NRG3: variants seen among roughly 807,000 people sequenced by gnomAD.
NRG3 encodes the protein pro-neuregulin-3, membrane-bound isoform.
In NRG3, 31 loss-of-function variants were observed where a neutral mutation model predicts 66.9. The ratio of observed to expected loss-of-function variants is 0.46; its 90% CI spans 0.35 to 0.63. The LOEUF (loss-of-function observed/expected upper bound fraction) is 0.63. Among genes scored for constraint, NRG3 ranks in the 20% least tolerant of loss-of-function variants. The probability of loss-of-function intolerance (pLI) is 0.00; values close to 1 mark genes in which losing one functional copy is unlikely to be tolerated. For missense variants in NRG3, 910 were observed against 878.9 expected, an observed-to-expected ratio of 1.04 and a Z score of -0.45; for synonymous variants, 393 against 359.4, an observed-to-expected ratio of 1.09 and a Z score of -1.06.
rs559290076 is a variant in NRG3 at position 82,353,044 on chromosome 10, A to G, written c.824-5695A>G. Among the ~76,000 whole-genome samples, 16 of 152,298 alleles carry G rather than the reference A, an allele frequency of 1.1e-4. No homozygotes were observed. The South Asian group carries it at 3.3e-3, about 32-fold the overall frequency. ...CAAAAGATATTTAGGAGTTAGAATCAAGAGTATTTGGTGATTGCGCATGCA... is the reference window on the plus strand; with the variant it reads ...CAAAAGATATTTAGGAGTTAGAATCGAGAGTATTTGGTGATTGCGCATGCA... On this transcript the variant is annotated intron_variant, in intron 1 of 8. Coordinates refer to ENST00000372141, the MANE Select transcript of NRG3 (RefSeq NM_001010848.4).
chr10:82,628,560 C>G (rs188312462), intron 2 of NRG3, among the ~76,000 whole-genome samples: 7 of 152,202 alleles, frequency 4.6e-5, no homozygotes, highest in African/African-American at 1.4e-4. Context: ...TCTTCTTACT[C>G]TGCTGATGCC....
chr10:82,713,119 CAAAAAAAAAAAAAAAA>C (rs369968319), intron 2 of NRG3, among the ~76,000 whole-genome samples: 3 of 55,344 alleles, frequency 5.4e-5, no homozygotes, highest in South Asian at 2.1e-3. Context: ...GACTTCATCT[CAAAAAAAAAAAAAAAA>C]AAAAAAAAAA....
chr10:82,416,951 C>T (rs2088627703), intron 2 of NRG3, among the ~76,000 whole-genome samples: 1 of 152,110 alleles, frequency 6.6e-6, no homozygotes, highest in Non-Finnish European at 1.5e-5. Flanking sequence ...GTATTATCCA[C>T]ACAGCCCTCA....
chr10:82,572,185 C>G (rs1425159381), intron 2 of NRG3, among the ~76,000 whole-genome samples: 1 of 151,482 alleles, frequency 6.6e-6, no homozygotes, highest in Non-Finnish European at 1.5e-5. Context: ...TATAATGTAT[C>G]CTCTTTTCTT....
chr10:82,170,682 A>G (rs529296758), intron 1 of NRG3, among the ~76,000 whole-genome samples: 20 of 139,026 alleles, frequency 1.4e-4, no homozygotes, highest in East Asian at 8.3e-4. Context: ...ATATATATAT[A>G]TATATATATA....
chr10:82,727,233 G>A lies in NRG3; in HGVS notation c.954-11344G>A, dbSNP rs528585958. Among the ~76,000 whole-genome samples the A allele has an allele frequency of 8.7e-4, 132 of 152,314 alleles. 2 individuals are homozygous for A. The South Asian group carries it at 0.015, about 17-fold the overall frequency. ...AAATTTGCATAAGTAACAAGGAGCCGAATGTTAATCCCCAAGACAATGGGG... is the reference window on the plus strand; with the variant it reads ...AAATTTGCATAAGTAACAAGGAGCCAAATGTTAATCCCCAAGACAATGGGG... On this transcript the variant is annotated intron_variant, in intron 2 of 8. Coordinates refer to ENST00000372141, the MANE Select transcript of NRG3 (RefSeq NM_001010848.4).
At chr10:82,127,933 C>T (rs1189202503) in intron 1 of NRG3, among the ~76,000 whole-genome samples, 1 of 151,932 alleles carries the variant, frequency 6.6e-6, no homozygotes, top group Non-Finnish European at 1.5e-5. Flanking sequence ...AATTTAACTA[C>T]CTCATTTTCA....
intron 3 of NRG3, among the ~76,000 whole-genome samples, chr10:82,840,803 G>A (rs906035658): frequency 2.0e-5 from 3 of 152,056 alleles, no homozygotes; most frequent in Admixed American, 1.3e-4. Flanking sequence ...GTATTCAAGA[G>A]AAAGCCTGGA....
chr10:82,377,608 T>C lies in NRG3; in HGVS notation c.953+18740T>C, dbSNP rs79468171. Among the ~76,000 whole-genome samples, 436 of 152,242 alleles carry C rather than the reference T, an allele frequency of 2.9e-3. 1 individual carries two copies. Among genetic ancestry groups the C allele is most frequent in the African/African-American group, 0.01 (418 of 41,532 alleles). On this transcript the variant is annotated intron_variant, in intron 2 of 8. Transcript: ENST00000372141. ...GACTTGTTTGAGAAGAGCAGTGACC[T>C]TATTGAGATCAATGGCAGGAAGGGA...
chr10:82,408,085 C>CAGAG (rs2087715803), intron 2 of NRG3, among the ~76,000 whole-genome samples: 2 of 74,860 alleles, frequency 2.7e-5, no homozygotes, highest in African/African-American at 1.2e-4. Flanking sequence ...GAGAGAGAGA[C>CAGAG]AGAAAGAAAG....
intron 1 of NRG3, among the ~76,000 whole-genome samples, chr10:82,148,493 T>G (rs10786907): frequency 0.12 from 17,853 of 152,114 alleles, 1,770 homozygotes; most frequent in African/African-American, 0.26. Context: ...GCCGTAAGCT[T>G]AAATATCTTG....
At chr10:82,881,352 T>G (rs1842283793) in intron 4 of NRG3, among the ~76,000 whole-genome samples, 1 of 152,230 alleles carries the variant, frequency 6.6e-6, no homozygotes, top group Admixed American at 6.5e-5. Context: ...AAAGATGCAG[T>G]TCAAGGCTAT....
At chr10:82,381,874 G>T (rs988559757) in intron 2 of NRG3, among the ~76,000 whole-genome samples, 3 of 152,074 alleles carry the variant, frequency 2.0e-5, no homozygotes, top group African/African-American at 4.8e-5. Context: ...TTCCTTTCTT[G>T]TGTTAACGTG....
intron 2 of NRG3, among the ~76,000 whole-genome samples, chr10:82,401,895 C>A (rs1022838633): frequency 6.6e-6 from 1 of 151,848 alleles, no homozygotes; most frequent in Non-Finnish European, 1.5e-5. Flanking sequence ...TATGAGAGCA[C>A]CTAGAAGTTT....
At chr10:81,880,382 T>A (rs1206868127) in intron 1 of NRG3, among the ~76,000 whole-genome samples, 6 of 152,148 alleles carry the variant, frequency 3.9e-5, no homozygotes, top group African/African-American at 1.4e-4. Context: ...ATTTGTGCTA[T>A]TTTCAAAACC....
chr10:82,251,058 C>T (rs1056512137), intron 1 of NRG3, among the ~76,000 whole-genome samples: 10 of 152,206 alleles, frequency 6.6e-5, no homozygotes, highest in African/African-American at 2.4e-4. Flanking sequence ...TTCCTGGGCT[C>T]TCTTGAAATA....
intron 2 of NRG3, among the ~76,000 whole-genome samples, chr10:82,572,862 G>A (rs1179304405): frequency 6.6e-6 from 1 of 151,720 alleles, no homozygotes; most frequent in African/African-American, 2.4e-5. Flanking sequence ...TTAACCATGG[G>A]ATGCTGTTAT....
At chr10:82,450,330 T>C (rs1426530544) in intron 2 of NRG3, among the ~76,000 whole-genome samples, 1 of 152,156 alleles carries the variant, frequency 6.6e-6, no homozygotes, top group Non-Finnish European at 1.5e-5. Context: ...ATAGAACCCA[T>C]ACCATCAGAG....
At chr10:82,465,199 A>G (rs1281864145) in intron 2 of NRG3, among the ~76,000 whole-genome samples, 4 of 152,232 alleles carry the variant, frequency 2.6e-5, no homozygotes, top group Non-Finnish European at 5.9e-5. Context: ...CCATGCTAGG[A>G]TCTTAATTAG....
Sources: gnomAD v4.1 joint callset for allele counts (sites outside exome capture counted in the v4.1 genomes callset) on GRCh38, gnomAD v4.1.1 for gene constraint, MANE v1.5 for transcripts, NCBI Gene and HGNC (gene_info 2026-07-23, HGNC 2026-07-21) for gene names.